Variants in SLC9A1 observed in about 807,000 individuals in gnomAD.
The protein encoded by SLC9A1 is sodium/hydrogen exchanger 1.
Under a neutral mutation model 67.9 loss-of-function variants are expected in SLC9A1, and 22 were observed. The observed-to-expected ratio is 0.32, with a 90% confidence interval of 0.23 to 0.46. The LOEUF (loss-of-function observed/expected upper bound fraction) is 0.46, where lower values mean the gene tolerates loss of function less well. SLC9A1 is among the 20% of genes least tolerant of loss of function. The pLI, the probability that SLC9A1 is intolerant of heterozygous loss-of-function variation, is 1.00. For missense variants in SLC9A1, 686 were observed against 1,094.8 expected, an observed-to-expected ratio of 0.63 and a Z score of 5.27; for synonymous variants, 421 against 471.8, an observed-to-expected ratio of 0.89 and a Z score of 1.40.
rs962130067 is a variant in SLC9A1, at chr1:27,128,733, G to A, written c.353-14447C>T. 3.9e-5 allele frequency among the ~76,000 whole-genome samples: 6 copies of A among 151,938 alleles called. No homozygotes were observed. The East Asian group carries it at 7.7e-4, about 20-fold the overall frequency. On this transcript the variant is annotated intron_variant, in intron 1 of 11. Transcript: ENST00000263980. ...AGCACTTTGAGACGCCAAGGCGGGC[G>A]GATCACCTGAGGTCAGGAGTTTGAG... is the stretch of plus-strand genomic sequence containing the variant.
At chr1:27,144,111 C>T (rs1158131917) in intron 1 of SLC9A1, among the ~76,000 whole-genome samples, 2 of 152,128 alleles carry the variant, frequency 1.3e-5, no homozygotes, top group East Asian at 3.8e-4. Flanking sequence ...CACCCATTCC[C>T]AACACACATT....
rs2083128984 is a variant in SLC9A1 at position 27,100,099 on chromosome 1, T to C, written c.*208A>G. 2 of 461,014 alleles carry C rather than the reference T, an allele frequency of 4.3e-6. No individual in the cohort carries two copies. Among genetic ancestry groups the C allele is most frequent in the Non-Finnish European group, 3.8e-6 (1 of 262,624 alleles). 28.6% of individuals were successfully genotyped at this position (461,014 alleles called of 1,614,324 possible). Reference sequence around the variant, plus strand: ...AGCCCCAGCAGTTCTGCCAAATGGATTGGGGAGGCAGCTCTGGTGGGGAGG... The same window carrying C: ...AGCCCCAGCAGTTCTGCCAAATGGACTGGGGAGGCAGCTCTGGTGGGGAGG... On this transcript the variant is annotated 3_prime_UTR_variant, in exon 12 of 12. Coordinates refer to ENST00000263980, the MANE Select transcript of SLC9A1 (RefSeq NM_003047.5). The surrounding 1 kb of genome is among the most constrained non-coding windows in gnomAD (Gnocchi z 5.6).
Position 27,100,352 on chromosome 1 carries a change from G to T in SLC9A1, c.2403C>A (p.His801Gln). ...ACGGTTCTCCCTCCCCAGGCTCAGG[G>T]TGTGGGCCTGGGTCACTGAGGCAGC... ...IQRCLSDPGP[H>Q]PEPGEGEPFF... is the part of the protein sequence containing the mutation. The change falls in exon 12 of 12, where the codon CAC (histidine) becomes CAA (glutamine). Residue 801 changes from histidine to glutamine, a missense_variant. His to Gln is a conservative substitution (Grantham distance 24). Transcript: ENST00000263980. The surrounding 1 kb of genome is among the most constrained non-coding windows in gnomAD (Gnocchi z 5.6). 1 of 1,557,368 alleles carries T rather than the reference G, an allele frequency of 6.4e-7. No individual in the cohort carries two copies. The highest frequency in any genetic ancestry group is 8.7e-7 in the Non-Finnish European group (1 of 1,150,466).
At chr1:27,111,143 G>A (rs2124149717) in intron 2 of SLC9A1, among the ~76,000 whole-genome samples, 1 of 152,286 alleles carries the variant, frequency 6.6e-6, no homozygotes, top group East Asian at 1.9e-4. Flanking sequence ...CCAGCTGTCT[G>A]GGGGATAGGA....
rs533840976 is a variant in SLC9A1 at position 27,101,324 on chromosome 1, G to A, written c.2038-49C>T. ...GAGCACAGGCAGCTGGGCAGAGGGA[G>A]CCCCTCAGGACAGAACCCGGCCAGT... On this transcript the variant is annotated intron_variant, in intron 10 of 11. Coordinates refer to ENST00000263980, the MANE Select transcript of SLC9A1 (RefSeq NM_003047.5). The surrounding 1 kb of genome is among the most constrained non-coding windows in gnomAD (Gnocchi z 4.9). 25 of 1,490,068 alleles carry A rather than the reference G, an allele frequency of 1.7e-5. No homozygotes were observed. The highest frequency in any genetic ancestry group is 4.1e-5 in the African/African-American group (3 of 72,434). The allele number at this position is 1,490,068 out of a possible 1,614,324, so 92.3% of individuals were successfully genotyped here. A position where few individuals can be genotyped will look rare whatever the true frequency, so the allele number is the denominator to read the frequency against.
intron 1 of SLC9A1, among the ~76,000 whole-genome samples, chr1:27,136,531 AG>A (rs2083421550): frequency 3.9e-5 from 3 of 76,176 alleles, no homozygotes; most frequent in African/African-American, 8.1e-5. Context: ...GGATAAGACC[AG>A]GAGTTTTGAG....
chr1:27,102,790 C>T lies in SLC9A1; in HGVS notation c.1576-47G>A, dbSNP rs567671834. The T allele has an allele frequency of 3.2e-6, 5 of 1,546,688 alleles. No individual in the cohort carries two copies. In the South Asian group the frequency reaches 3.4e-5, roughly 10 times the overall value. On this transcript the variant is annotated intron_variant, in intron 6 of 11. Transcript: ENST00000263980. ...GTCAAGCCTCGCTGTGGGGCGCCTT[C>T]CCTACCAAGACCTCTGACTAGCCCC...
At chr1:27,130,853 C>T (rs2083379397) in intron 1 of SLC9A1, among the ~76,000 whole-genome samples, 1 of 152,320 alleles carries the variant, frequency 6.6e-6, no homozygotes, top group African/African-American at 2.4e-5. Context: ...GCACTCTGGT[C>T]CTCAGGGCAC....
intron 1 of SLC9A1, among the ~76,000 whole-genome samples, chr1:27,124,876 C>A (rs1431694663): frequency 6.6e-6 from 1 of 152,004 alleles, no homozygotes; most frequent in African/African-American, 2.4e-5. Flanking sequence ...GGGGGGCCTT[C>A]CCAGAGGTGG....
rs142420178 is a variant in SLC9A1, at chr1:27,109,251, G to A, written c.1064+276C>T. On this transcript the variant is annotated intron_variant, in intron 3 of 11. Transcript: ENST00000263980. This position sits in a 1 kb window ranked among gnomAD's most constrained non-coding sequence, Gnocchi z 5.5. ...ATACCCTGGGCTTGCCTTCATGCAGGTCATTCTTGCTTCATCTGCTCATAG... is the reference window on the plus strand; with the variant it reads ...ATACCCTGGGCTTGCCTTCATGCAGATCATTCTTGCTTCATCTGCTCATAG... Among the ~76,000 whole-genome samples the A allele has an allele frequency of 6.6e-6, 1 of 152,128 alleles. No homozygotes were observed.
rs1262345060 is a variant in SLC9A1, at chr1:27,114,735, A to T, written c.353-449T>A. ...CAACCTGAGGAATAACAATCTAACA[A>T]TTCTGTCTGAGGGAAGATGGTAGTT... On this transcript the variant is annotated intron_variant, in intron 1 of 11. Coordinates refer to ENST00000263980, the MANE Select transcript of SLC9A1 (RefSeq NM_003047.5). This position sits in a 1 kb window ranked among gnomAD's most constrained non-coding sequence, Gnocchi z 5.4. Among the ~76,000 whole-genome samples, 1 of 152,200 alleles carries T rather than the reference A, an allele frequency of 6.6e-6. No individual in the cohort carries two copies. Among genetic ancestry groups the T allele is most frequent in the Non-Finnish European group, 1.5e-5 (1 of 68,044 alleles).
rs1387162262 is a variant in SLC9A1, at chr1:27,101,838, A to G, written c.1936-12T>C. ...TTGTAGGACCGCAGCTGTGGGAGGGACAGCGTCAGGGCAGTGCGGGCCCCG... is the reference window on the plus strand; with the variant it reads ...TTGTAGGACCGCAGCTGTGGGAGGGGCAGCGTCAGGGCAGTGCGGGCCCCG... On this transcript the variant is annotated splice_polypyrimidine_tract_variant and intron_variant, in intron 9 of 11. Transcript: ENST00000263980. The surrounding 1 kb of genome is among the most constrained non-coding windows in gnomAD (Gnocchi z 4.9). The G allele has an allele frequency of 5.0e-6, 8 of 1,600,508 alleles. No homozygotes were observed. Among genetic ancestry groups the G allele is most frequent in the Non-Finnish European group, 6.8e-6 (8 of 1,170,094 alleles).
chr1:27,145,073 G>GAA (rs952148589), intron 1 of SLC9A1, among the ~76,000 whole-genome samples: 6 of 97,002 alleles, frequency 6.2e-5, no homozygotes, highest in Admixed American at 1.1e-4. Context: ...AAGGAAAAAG[G>GAA]AAAAAAAAAA....
chr1:27,154,112 T>A lies in SLC9A1; in HGVS notation c.223A>T (p.Asn75Tyr). The A allele has an allele frequency of 6.2e-7, 1 of 1,614,072 alleles. No homozygotes were observed. The highest frequency in any genetic ancestry group is 2.2e-5 in the East Asian group (1 of 44,874). The change falls in exon 1 of 12, where the codon AAT becomes TAT. Residue 75 changes from asparagine (N) to tyrosine (Y), a missense_variant. Around this residue, in one of 7 missense-constraint regions of SLC9A1, gnomAD observed 143 missense variants for 166.7 expected, o/e 0.86. Transcript: ENST00000263980. The stretch of plus-strand genomic sequence containing the variant: ...ATGCCATGATCAGTGACGGAATGAT[T>A]AACAGGGCGGCTCTCTGGGGTGACC... Reference protein sequence around the residue: ...PEVTPESRPVNHSVTDHGMKP... With the variant: ...PEVTPESRPVYHSVTDHGMKP...
chr1:27,112,567 T>C (rs1434790970), intron 2 of SLC9A1, among the ~76,000 whole-genome samples: 1 of 152,156 alleles, frequency 6.6e-6, no homozygotes, highest in Non-Finnish European at 1.5e-5. Flanking sequence ...AAAGCACTAA[T>C]CCTCTGCCAC....
Position 27,101,324 on chromosome 1 carries a change from G to C in SLC9A1, c.2038-49C>G. The C allele has an allele frequency of 6.7e-7, 1 of 1,490,186 alleles. No individual in the cohort carries two copies. Among genetic ancestry groups the C allele is most frequent in the Non-Finnish European group, 9.3e-7 (1 of 1,073,022 alleles). The allele number at this position is 1,490,186 out of a possible 1,614,324, so 92.3% of individuals were successfully genotyped here. On this transcript the variant is annotated intron_variant, in intron 10 of 11. Transcript: ENST00000263980. The surrounding 1 kb of genome is among the most constrained non-coding windows in gnomAD (Gnocchi z 4.9). ...GAGCACAGGCAGCTGGGCAGAGGGAGCCCCTCAGGACAGAACCCGGCCAGT... is the reference window on the plus strand; with the variant it reads ...GAGCACAGGCAGCTGGGCAGAGGGACCCCCTCAGGACAGAACCCGGCCAGT...
rs1161228336 is a variant in SLC9A1, at chr1:27,118,021, G to A, written c.353-3735C>T. 1.3e-5 allele frequency among the ~76,000 whole-genome samples: 2 copies of A among 152,074 alleles called. No individual in the cohort carries two copies. The highest frequency in any genetic ancestry group is 2.4e-5 in the African/African-American group (1 of 41,398). The stretch of plus-strand genomic sequence containing the variant: ...CATTCCTATTGAACACAAGAAAAAC[G>A]AGCTCTGAGAGGAGGCTGCATGCAC... On this transcript the variant is annotated intron_variant, in intron 1 of 11. Transcript: ENST00000263980. This position sits in a 1 kb window ranked among gnomAD's most constrained non-coding sequence, Gnocchi z 4.3.
Position 27,107,650 on chromosome 1 carries a change from AGCACGCGGGCGATGAG to A in SLC9A1, c.1264_1279del (p.Leu422TrpfsTer6). 1 of 1,420,072 alleles carries A rather than the reference AGCACGCGGGCGATGAG, an allele frequency of 7.0e-7. No homozygotes were observed. Among genetic ancestry groups the A allele is most frequent in the Non-Finnish European group, 9.4e-7 (1 of 1,058,534 alleles). The allele number at this position is 1,420,072 out of a possible 1,614,324, so 88.0% of individuals were successfully genotyped here. A position where few individuals can be genotyped will look rare whatever the true frequency, so the allele number is the denominator to read the frequency against. ...CCCGCCCCAGCCCTGGCCCTCACCCAGCACGCGGGCGATGAGGCAGAAGAGCAGGGTGCTGATGACG... is the reference window on the plus strand; with the variant it reads ...CCCGCCCCAGCCCTGGCCCTCACCCAGCAGAAGAGCAGGGTGCTGATGACG... On this transcript the variant is annotated frameshift_variant, in exon 4 of 12. Transcript: ENST00000263980. LOFTEE classifies it high-confidence loss of function.
chr1:27,143,306 C>T (rs1349783958), intron 1 of SLC9A1, among the ~76,000 whole-genome samples: 4 of 152,176 alleles, frequency 2.6e-5, no homozygotes, highest in Non-Finnish European at 2.9e-5. Context: ...CCGCCTCCTT[C>T]AAGAAGCTTC....
Sources: gnomAD v4.1 joint callset for allele counts (sites outside exome capture counted in the v4.1 genomes callset) on GRCh38, gnomAD v4.1.1 for gene constraint, gnomAD v4.1.1 regional missense constraint, Gnocchi (gnomAD v3.1) non-coding constraint, MANE v1.5 for transcripts, NCBI Gene and HGNC (gene_info 2026-07-23, HGNC 2026-07-21) for gene names.